DCLK2: variants seen among roughly 807,000 people sequenced by gnomAD.
DCLK2 encodes the protein doublecortin like kinase 2.
In DCLK2, 31 loss-of-function variants were observed where a neutral mutation model predicts 78.4. The observed-to-expected ratio is 0.40, with a 90% CI of 0.30 to 0.53. The LOEUF is 0.53. DCLK2 is among the 20% of genes least tolerant of loss of function. DCLK2 has a pLI of 0.61. For synonymous variants in DCLK2, 407 were observed against 374.9 expected (o/e 1.09, Z -0.99); for missense variants, 872 against 973.7 (o/e 0.90, Z 1.39).
chr4:150,216,833 A>C (rs1740759315), intron 5 of DCLK2, among the ~76,000 whole-genome samples: 1 of 152,064 alleles, frequency 6.6e-6, no homozygotes, highest in African/African-American at 2.4e-5. Context: ...TCAGGACCTC[A>C]TTAGGAAATA....
chr4:150,122,644 C>T (rs1478900663), intron 2 of DCLK2, among the ~76,000 whole-genome samples: 2 of 152,156 alleles, frequency 1.3e-5, no homozygotes, highest in Admixed American at 1.3e-4. Flanking sequence ...AGGAGAAACA[C>T]CTAATGTGGA....
chr4:150,150,218 C>T (rs1453355356), intron 2 of DCLK2, among the ~76,000 whole-genome samples: 1 of 152,190 alleles, frequency 6.6e-6, no homozygotes, highest in Admixed American at 6.5e-5. Context: ...ACTACTGTCA[C>T]TCCGTTAATG....
intron 2 of DCLK2, among the ~76,000 whole-genome samples, chr4:150,191,753 T>C (rs1022771862): frequency 2.6e-5 from 4 of 152,142 alleles, no homozygotes; most frequent in African/African-American, 9.7e-5. Flanking sequence ...CTTCTTGGCA[T>C]TGCAAAAAGG....
intron 12 of DCLK2, among the ~76,000 whole-genome samples, chr4:150,245,845 G>A (rs571566814): frequency 6.6e-6 from 1 of 152,140 alleles, no homozygotes; most frequent in African/African-American, 2.4e-5. Flanking sequence ...GGAAGACAGG[G>A]TGGCAATTCC....
chr4:150,179,352 G>T (rs1372957821), intron 2 of DCLK2, among the ~76,000 whole-genome samples: 34 of 152,100 alleles, frequency 2.2e-4, no homozygotes, highest in Admixed American at 2.2e-3. Flanking sequence ...TAATAGTGAT[G>T]ATTTTCCTAG....
rs569642473 is a variant in DCLK2 at position 150,107,255 on chromosome 4, A to G, written c.756+4443A>G. On this transcript the variant is annotated intron_variant, in intron 2 of 15. Coordinates refer to ENST00000296550, the MANE Select transcript of DCLK2 (RefSeq NM_001040260.4). ...AATATTAACTGTGTTATTAGGCCATATGCTAAGCTTTATTTCAGAATTTCT... is the reference window on the plus strand; with the variant it reads ...AATATTAACTGTGTTATTAGGCCATGTGCTAAGCTTTATTTCAGAATTTCT... 8.5e-5 allele frequency among the ~76,000 whole-genome samples: 13 copies of G among 152,152 alleles called. No homozygotes were observed. The South Asian group carries it at 2.7e-3, about 32-fold the overall frequency.
intron 12 of DCLK2, among the ~76,000 whole-genome samples, chr4:150,246,301 C>A (rs576735694): frequency 6.6e-6 from 1 of 152,152 alleles, no homozygotes; most frequent in East Asian, 1.9e-4. Flanking sequence ...CCCACCTTGG[C>A]CTCCCAGAGT....
At chr4:150,114,263 T>C (rs896525836) in intron 2 of DCLK2, among the ~76,000 whole-genome samples, 3 of 152,216 alleles carry the variant, frequency 2.0e-5, no homozygotes, top group Admixed American at 2.0e-4. Context: ...TAGGTCCATA[T>C]GTTCTAGAGT....
At chr4:150,182,027 C>G (rs937774454) in intron 2 of DCLK2, among the ~76,000 whole-genome samples, 8 of 151,544 alleles carry the variant, frequency 5.3e-5, no homozygotes, top group Non-Finnish European at 8.8e-5. Context: ...GATATGGTTT[C>G]CCTGTTCATT....
At chr4:150,242,162 G>A (rs1366449589) in intron 12 of DCLK2, among the ~76,000 whole-genome samples, 1 of 152,206 alleles carries the variant, frequency 6.6e-6, no homozygotes, top group Non-Finnish European at 1.5e-5. Flanking sequence ...AAGACTGACA[G>A]ATGTTAGTCT....
At chr4:150,249,877 G>A (rs1284236985) in intron 15 of DCLK2, among the ~76,000 whole-genome samples, 193 bp downstream of exon 15, 1 of 152,186 alleles carries the variant, frequency 6.6e-6, no homozygotes, top group Non-Finnish European at 1.5e-5. Context: ...AGGGGCTTGT[G>A]TAGGGACCAG....
intron 12 of DCLK2, among the ~76,000 whole-genome samples, chr4:150,244,892 C>T (rs533393592): frequency 2.6e-5 from 4 of 151,990 alleles, no homozygotes; most frequent in Non-Finnish European, 5.9e-5. Context: ...TGTGCACACA[C>T]TTCCAGCTTT....
chr4:150,256,005 C>T lies in DCLK2; in HGVS notation c.2074-15C>T. 7 of 1,611,678 alleles carry T rather than the reference C, an allele frequency of 4.3e-6. No homozygotes were observed. The highest frequency in any genetic ancestry group is 5.1e-6 in the Non-Finnish European group (6 of 1,179,078). ...GGGCCCGGGTAATGTGTTGTCTCTG[C>T]TGTTTCCTCCTCAGAACACGGCTCT... On this transcript the variant is annotated splice_polypyrimidine_tract_variant and intron_variant, in intron 15 of 15. Transcript: ENST00000296550.
At chr4:150,253,582 G>C in intron 15 of DCLK2, 1 of 1,289,370 alleles carries the variant, frequency 7.8e-7, no homozygotes, top group Non-Finnish European at 1.0e-6. Flanking sequence ...CGTCCGACCA[G>C]CGCGCCCCAT....
Position 150,247,711 on chromosome 4 carries a change from G to A in DCLK2, c.1875+12G>A, listed in dbSNP as rs1743436261. On this transcript the variant is annotated intron_variant, in intron 13 of 15. Coordinates refer to ENST00000296550, the MANE Select transcript of DCLK2 (RefSeq NM_001040260.4). Reference sequence around the variant, plus strand: ...CGGACTCTGCCAAGGTACCCTCCAGGCCTGTTTCTGTGGGTTGTATTACGT... The same window carrying A: ...CGGACTCTGCCAAGGTACCCTCCAGACCTGTTTCTGTGGGTTGTATTACGT... The A allele has an allele frequency of 1.9e-6, 3 of 1,610,018 alleles. No homozygotes were observed. In the East Asian group the frequency reaches 6.7e-5, roughly 36 times the overall value.
intron 2 of DCLK2, among the ~76,000 whole-genome samples, chr4:150,113,526 G>A (rs910799961): frequency 1.3e-5 from 2 of 152,076 alleles, no homozygotes; most frequent in South Asian, 2.1e-4. Flanking sequence ...AGATTTCCAA[G>A]TTTGTATGCA....
At chr4:150,226,373 G>A (rs531780066) in intron 8 of DCLK2, among the ~76,000 whole-genome samples, 1 of 151,886 alleles carries the variant, frequency 6.6e-6, no homozygotes, top group East Asian at 1.9e-4. Flanking sequence ...TTGTTCTAGC[G>A]ATATTACTAA....
chr4:150,230,646 G>C (rs997000221), intron 8 of DCLK2, among the ~76,000 whole-genome samples: 1 of 152,186 alleles, frequency 6.6e-6, no homozygotes, highest in Non-Finnish European at 1.5e-5. Flanking sequence ...GATATGCTTG[G>C]TGCAGATGAT....
intron 4 of DCLK2, among the ~76,000 whole-genome samples, chr4:150,202,450 A>G (rs368115623): frequency 2.3e-4 from 35 of 152,340 alleles, no homozygotes; most frequent in African/African-American, 7.9e-4. Context: ...TTTTACTGAA[A>G]TTTTAAAATG....
Sources: allele counts gnomAD v4.1 joint callset (sites outside exome capture counted in the v4.1 genomes callset), GRCh38; gene constraint gnomAD v4.1.1; transcripts MANE v1.5; gene names NCBI Gene and HGNC (gene_info 2026-07-23, HGNC 2026-07-21).